The following PIK3R5 variants were observed in gnomAD, a reference collection of about 807,000 sequenced individuals.
PIK3R5 encodes the protein phosphoinositide-3-kinase regulatory subunit 5.
PIK3R5 carries 32 observed loss-of-function variants against 94.9 expected under a neutral mutation model. The observed-to-expected ratio is 0.34, with a 90% CI of 0.25 to 0.45. The LOEUF is 0.45. PIK3R5 is among the 20% of genes least tolerant of loss of function. The probability of loss-of-function intolerance (pLI) is 1.00; values close to 1 mark genes in which losing one functional copy is unlikely to be tolerated. For synonymous variants in PIK3R5, 443 were observed against 479.4 expected, an observed-to-expected ratio of 0.92 and a Z score of 0.99; for missense variants, 853 against 1,144.6, an observed-to-expected ratio of 0.75 and a Z score of 3.68.
intron 3 of PIK3R5, among the ~76,000 whole-genome samples, chr17:8,906,208 T>C (rs1457789996): frequency 6.6e-6 from 1 of 152,114 alleles, no homozygotes; most frequent in African/African-American, 2.4e-5. Flanking sequence ...CCTGTGTCCA[T>C]GTGTTCTCAT....
In PIK3R5 at chr17:8,916,491, G is replaced by A. The variant is rs930509302; in HGVS notation, c.-13-4984C>T. Reference sequence around the variant, plus strand: ...CGGGAATGCCGCCCCCCGCCCCCCCGCCCCCGCCACCAATTCCCCTGCCAG... The same window carrying A: ...CGGGAATGCCGCCCCCCGCCCCCCCACCCCCGCCACCAATTCCCCTGCCAG... On this transcript the variant is annotated intron_variant, in intron 1 of 18. Coordinates refer to ENST00000447110, the MANE Select transcript of PIK3R5 (RefSeq NM_001142633.3). The A allele has an allele frequency of 1.6e-3, 139 of 87,284 alleles. 2 individuals carry two copies. The highest frequency in any genetic ancestry group is 5.8e-3 in the African/African-American group (136 of 23,434). 5.4% of individuals were successfully genotyped at this position (87,284 alleles called of 1,614,324 possible). A position where few individuals can be genotyped will look rare whatever the true frequency, so the allele number is the denominator to read the frequency against.
In PIK3R5 at chr17:8,884,605, T is replaced by A; in HGVS notation, c.2205+102A>T. 1.1e-6 allele frequency: 1 copy of A among 888,138 alleles called. No homozygotes were observed. Among genetic ancestry groups the A allele is most frequent in the Non-Finnish European group, 1.8e-6 (1 of 546,496 alleles). The allele number at this position is 888,138 out of a possible 1,614,324, so 55.0% of individuals were successfully genotyped here. On this transcript the variant is annotated intron_variant, in intron 15 of 18. Transcript: ENST00000447110. The surrounding 1 kb of genome is among the most constrained non-coding windows in gnomAD (Gnocchi z 5.8). ...TGCTGCAGCCTTCCAGCGTAAAGAC[T>A]GGGGCCCAGGAACACACGAGTCCAG... is the stretch of plus-strand genomic sequence containing the variant.
intron 1 of PIK3R5, among the ~76,000 whole-genome samples, chr17:8,941,228 G>A (rs2091174265): frequency 6.6e-6 from 1 of 152,146 alleles, no homozygotes; most frequent in South Asian, 2.1e-4. Context: ...AGAGAGTAGG[G>A]AGGCAGGTGC....
At chr17:8,952,083 G>A (rs913506374) in intron 1 of PIK3R5, among the ~76,000 whole-genome samples, 2 of 151,944 alleles carry the variant, frequency 1.3e-5, no homozygotes, top group African/African-American at 4.8e-5. Context: ...TGAGATGAGA[G>A]CTACATGTTG....
intron 6 of PIK3R5, 120 bp from the exon 7 acceptor site, chr17:8,891,032 G>A (rs1395907503): frequency 4.2e-6 from 4 of 961,184 alleles, no homozygotes; most frequent in Non-Finnish European, 3.1e-6. Flanking sequence ...TCAAGCCCAG[G>A]CAGAGCTCGA....
At chr17:8,924,606 T>C (rs898342366) in intron 1 of PIK3R5, among the ~76,000 whole-genome samples, 4 of 152,086 alleles carry the variant, frequency 2.6e-5, no homozygotes, top group African/African-American at 7.2e-5. Flanking sequence ...CCCCGTCTTC[T>C]CTCCATTAAT....
At chr17:8,917,289 C>T (rs987577255) in intron 1 of PIK3R5, among the ~76,000 whole-genome samples, 1 of 151,968 alleles carries the variant, frequency 6.6e-6, no homozygotes, top group South Asian at 2.1e-4. Flanking sequence ...AGAACCATGG[C>T]GATATTTTAC....
At position 8,882,040 on chromosome 17, in the gene PIK3R5, C is replaced by G; in HGVS notation, c.2206-159G>C. The G allele has an allele frequency of 1.6e-6, 1 of 629,490 alleles. No homozygotes were observed. Among genetic ancestry groups the G allele is most frequent in the Non-Finnish European group, 2.8e-6 (1 of 351,924 alleles). The allele number at this position is 629,490 out of a possible 1,614,324, so 39.0% of individuals were successfully genotyped here. On this transcript the variant is annotated intron_variant, in intron 15 of 18. Transcript: ENST00000447110. This position sits in a 1 kb window ranked among gnomAD's most constrained non-coding sequence, Gnocchi z 4.1. The stretch of plus-strand genomic sequence containing the variant: ...GGGCCCCTGTACCACCCTGGATAGA[C>G]CTGGATGACTCCAGGGAAGAGCTCA...
chr17:8,938,274 A>G (rs1245470649), intron 1 of PIK3R5, among the ~76,000 whole-genome samples: 1 of 152,194 alleles, frequency 6.6e-6, no homozygotes, highest in Non-Finnish European at 1.5e-5. Flanking sequence ...AAATTATTCC[A>G]TTTCATCTAA....
intron 1 of PIK3R5, among the ~76,000 whole-genome samples, chr17:8,960,211 C>A (rs562711446): frequency 6.6e-6 from 1 of 152,242 alleles, no homozygotes; most frequent in East Asian, 1.9e-4. Context: ...AGAGAATGCA[C>A]TCAAAAAGCC....
At chr17:8,938,004 T>C (rs1252010230) in intron 1 of PIK3R5, among the ~76,000 whole-genome samples, 1 of 152,128 alleles carries the variant, frequency 6.6e-6, no homozygotes, top group Non-Finnish European at 1.5e-5. Context: ...AAAGACGGGG[T>C]TTCACCATGT....
In PIK3R5 at chr17:8,911,763, G is replaced by A. The variant is rs529896200; in HGVS notation, c.-13-256C>T. The A allele has an allele frequency of 1.5e-4, 58 of 381,780 alleles. No homozygotes were observed. Among genetic ancestry groups the A allele is most frequent in the African/African-American group, 1.1e-3 (52 of 48,088 alleles). 23.6% of individuals were successfully genotyped at this position (381,780 alleles called of 1,614,324 possible). ...AGAGGTGTGGGAAGTAAGGGGTCAG[G>A]AATGGGAGCAGAGAGGTGGAAAGGG... On this transcript the variant is annotated intron_variant, in intron 1 of 18. Transcript: ENST00000447110. This position sits in a 1 kb window ranked among gnomAD's most constrained non-coding sequence, Gnocchi z 5.3.
chr17:8,953,618 A>T (rs958087101), intron 1 of PIK3R5, among the ~76,000 whole-genome samples: 4 of 152,074 alleles, frequency 2.6e-5, no homozygotes, highest in Admixed American at 2.6e-4. Flanking sequence ...ACTAAAAACA[A>T]CCTCAGGTCT....
intron 1 of PIK3R5, among the ~76,000 whole-genome samples, chr17:8,937,116 A>C (rs2106342): frequency 0.53 from 80,420 of 152,046 alleles, 23,816 homozygotes; most frequent in Non-Finnish European, 0.66. Context: ...CTGAAACCTT[A>C]CTATAATTGC....
chr17:8,930,154 T>C (rs889740044), intron 1 of PIK3R5, among the ~76,000 whole-genome samples: 6 of 152,052 alleles, frequency 3.9e-5, no homozygotes, highest in African/African-American at 1.5e-4. Flanking sequence ...TTCAAGTACT[T>C]ACGGAACATA....
intron 1 of PIK3R5, among the ~76,000 whole-genome samples, chr17:8,950,480 T>C (rs1158198919): frequency 6.6e-6 from 1 of 152,202 alleles, no homozygotes; most frequent in East Asian, 1.9e-4. Context: ...ACAATGTCTA[T>C]TGCTCCCATG....
intron 5 of PIK3R5, among the ~76,000 whole-genome samples, chr17:8,901,595 G>C (rs408211): frequency 0.16 from 23,944 of 152,178 alleles, 2,232 homozygotes; most frequent in African/African-American, 0.25. Context: ...TCTGTTCTGT[G>C]TGTGTTTAAT....
intron 5 of PIK3R5, among the ~76,000 whole-genome samples, chr17:8,894,923 G>A (rs1327121282): frequency 6.6e-6 from 1 of 152,178 alleles, no homozygotes; most frequent in Non-Finnish European, 1.5e-5. Flanking sequence ...TAAATAGAAA[G>A]GCTGTGAGGT....
chr17:8,933,099 GA>G (rs2091015109), intron 1 of PIK3R5, among the ~76,000 whole-genome samples: 1 of 151,964 alleles, frequency 6.6e-6, no homozygotes, highest in Admixed American at 6.5e-5. Context: ...AGTGCTTAAA[GA>G]AAAACAAAAC....
Sources: allele counts gnomAD v4.1 joint callset (sites outside exome capture counted in the v4.1 genomes callset), GRCh38; gene constraint gnomAD v4.1.1; non-coding constraint Gnocchi (gnomAD v3.1); transcripts MANE v1.5; gene names NCBI Gene and HGNC (gene_info 2026-07-23, HGNC 2026-07-21).